The following DPH6 variants were observed in gnomAD, a reference collection of about 807,000 sequenced individuals.
The protein encoded by DPH6 is diphthine--ammonia ligase.
A neutral mutation model predicts 38.2 loss-of-function variants in DPH6; 33 were observed. The ratio of observed to expected loss-of-function variants is 0.86; its 90% confidence interval spans 0.65 to 1.15. The LOEUF is 1.15. Among genes scored for constraint, DPH6 ranks in the 50% most tolerant of loss-of-function variants. The pLI, the probability that DPH6 is intolerant of heterozygous loss-of-function variation, is 0.00. For missense variants in DPH6, 325 were observed against 320.0 expected, an observed-to-expected ratio of 1.02 and a Z score of -0.12; for synonymous variants, 108 against 103.0, an observed-to-expected ratio of 1.05 and a Z score of -0.30.
chr15:35,304,433 C>T (rs1268966264), intron 3 of DPH6, among the ~76,000 whole-genome samples: 1 of 151,972 alleles, frequency 6.6e-6, no homozygotes, highest in Admixed American at 6.6e-5. Flanking sequence ...CAGACAGGCC[C>T]AGTATTATAA....
chr15:35,505,837 A>G (rs1595426501), intron 3 of DPH6, among the ~76,000 whole-genome samples: 1 of 152,180 alleles, frequency 6.6e-6, no homozygotes, highest in Non-Finnish European at 1.5e-5. Context: ...TATAGGGCTC[A>G]TTAAAGAAGC....
rs193086008 is a variant in DPH6 at position 35,357,451 on chromosome 15, C to T, written n.207+16070G>A. Among the ~76,000 whole-genome samples, 705 of 152,190 alleles carry T rather than the reference C, an allele frequency of 4.6e-3. 5 individuals are homozygous for T. Among genetic ancestry groups the T allele is most frequent in the Non-Finnish European group, 6.2e-3 (424 of 67,992 alleles). ...TCTGTGTATTTTATTTTTGTTTTTG[C>T]TTTTTAACTTGTATTTTGTTTATAG... is the stretch of plus-strand genomic sequence containing the variant. On this transcript the variant is annotated intron_variant and non_coding_transcript_variant, in intron 3 of 3. Coordinates refer to the DPH6 transcript ENST00000558973.
chr15:35,532,614 A>C (rs2055105194), intron 3 of DPH6, among the ~76,000 whole-genome samples: 1 of 152,204 alleles, frequency 6.6e-6, no homozygotes, highest in Non-Finnish European at 1.5e-5. Flanking sequence ...TTTGTGTAGG[A>C]AGATAACAAA....
At chr15:35,359,400 C>T (rs987869607) in intron 3 of DPH6, among the ~76,000 whole-genome samples, 2 of 152,192 alleles carry the variant, frequency 1.3e-5, no homozygotes, top group Non-Finnish European at 2.9e-5. Flanking sequence ...GGACAGAAGG[C>T]TTCTCACTCT....
At chr15:35,352,160 C>G (rs1290423788) in intron 3 of DPH6, among the ~76,000 whole-genome samples, 1 of 151,862 alleles carries the variant, frequency 6.6e-6, no homozygotes, top group African/African-American at 2.4e-5. Flanking sequence ...CTGAGTTTGT[C>G]TTTATGTTTA....
chr15:35,261,659 C>G (rs2051747582), intron 3 of DPH6, among the ~76,000 whole-genome samples: 1 of 152,012 alleles, frequency 6.6e-6, no homozygotes. Context: ...ATAGTGGGAC[C>G]TCATCTCTAC....
intron 3 of DPH6, among the ~76,000 whole-genome samples, chr15:35,347,259 G>A (rs777863405): frequency 1.3e-5 from 2 of 151,894 alleles, no homozygotes; most frequent in Admixed American, 6.6e-5. Context: ...TTTGTAACTG[G>A]CTTTTCACTT....
downstream of DPH6, among the ~76,000 whole-genome samples, chr15:35,328,513 A>G (rs1259953466): frequency 6.6e-6 from 1 of 152,196 alleles, no homozygotes; most frequent in Admixed American, 6.6e-5. Flanking sequence ...CTTTAAAAGT[A>G]TTGCTAAATA....
intron 1 of DPH6, 102 bp downstream of exon 1, chr15:35,546,017 G>A (rs2055347135): frequency 9.2e-7 from 1 of 1,091,390 alleles, no homozygotes; most frequent in South Asian, 3.2e-5. Flanking sequence ...AACCCCCAAC[G>A]CGCGACTCAG....
Position 35,272,821 on chromosome 15 carries a change from C to T in DPH6, n.201-52239G>A, listed in dbSNP as rs188592203. Among the ~76,000 whole-genome samples the T allele has an allele frequency of 7.2e-4, 110 of 151,902 alleles. No individual in the cohort carries two copies. The East Asian group carries it at 0.013, about 18-fold the overall frequency. The stretch of plus-strand genomic sequence containing the variant: ...ACTCTGGAGGCTGAGGCAGGAGAAT[C>T]GCTTGAACCCGGGAGGCAGAGGTTG... On this transcript the variant is annotated intron_variant and non_coding_transcript_variant, in intron 3 of 3. Transcript: ENST00000560386.
intron 5 of DPH6, among the ~76,000 whole-genome samples, chr15:35,427,939 AAT>A (rs1750303261): frequency 1.3e-5 from 2 of 151,942 alleles, no homozygotes; most frequent in Admixed American, 1.3e-4. Context: ...AAAAAGAAAA[AAT>A]ACACAAAAAA....
chr15:35,257,607 T>A (rs899409986), intron 3 of DPH6, among the ~76,000 whole-genome samples: 1 of 152,144 alleles, frequency 6.6e-6, no homozygotes, highest in South Asian at 2.1e-4. Context: ...GGATTTTTTG[T>A]GGAGGTACAA....
chr15:35,286,053 A>C (rs1037957810), intron 3 of DPH6, among the ~76,000 whole-genome samples: 1 of 151,926 alleles, frequency 6.6e-6, no homozygotes, highest in Non-Finnish European at 1.5e-5. Flanking sequence ...AAGCTAGTGA[A>C]AGCAGAATGG....
intron 3 of DPH6, among the ~76,000 whole-genome samples, chr15:35,323,852 T>C (rs2052260730): frequency 6.6e-6 from 1 of 152,220 alleles, no homozygotes; most frequent in South Asian, 2.1e-4. Context: ...TTATAACATA[T>C]GACAAATTTC....
intron 3 of DPH6, chr15:35,521,311 C>T (rs189842878): frequency 4.2e-4 from 422 of 994,402 alleles, no homozygotes; most frequent in Non-Finnish European, 3.7e-4. Flanking sequence ...ATTCACTAAA[C>T]ATAATAAACA....
intron 3 of DPH6, among the ~76,000 whole-genome samples, chr15:35,350,005 C>T (rs1490357905): frequency 1.3e-5 from 2 of 152,100 alleles, no homozygotes; most frequent in Non-Finnish European, 2.9e-5. Context: ...AAATTTTTTG[C>T]AAGAGTTTGA....
At chr15:35,197,035 A>G in the DPH6 span, among the ~76,000 whole-genome samples, 4 of 152,320 alleles carry the variant, frequency 2.6e-5, no homozygotes, top group Admixed American at 2.6e-4. Context: ...CAAAGACCCA[A>G]ACAAAGAATT....
At chr15:35,437,063 G>A (rs956817233) in intron 5 of DPH6, among the ~76,000 whole-genome samples, 4 of 151,992 alleles carry the variant, frequency 2.6e-5, no homozygotes, top group African/African-American at 9.7e-5. Flanking sequence ...ATGTTTACAT[G>A]GGTGAAAGCC....
intron 5 of DPH6, among the ~76,000 whole-genome samples, chr15:35,421,175 G>C (rs1009981186): frequency 6.6e-6 from 1 of 152,062 alleles, no homozygotes; most frequent in Non-Finnish European, 1.5e-5. Context: ...CAAATGCCCA[G>C]GATCAGATAA....
Sources: gnomAD v4.1 joint callset for allele counts (sites outside exome capture counted in the v4.1 genomes callset) on GRCh38, gnomAD v4.1.1 for gene constraint, MANE v1.5 for transcripts, NCBI Gene and HGNC (gene_info 2026-07-23, HGNC 2026-07-21) for gene names.